The following SPIN3 variants were observed in gnomAD, a reference collection of about 807,000 sequenced individuals.
The protein encoded by SPIN3 is spindlin family member 3, also known as spindlin-3.
For synonymous variants in SPIN3, 74 were observed against 74.3 expected (o/e 1.00, Z 0.02); for missense variants, 176 against 196.4 (o/e 0.90, Z 0.62).
chrX:56,987,665 T>C (rs1020880758), downstream of SPIN3, among the ~76,000 whole-genome samples: 3 of 111,962 alleles, frequency 2.7e-5, no homozygotes, highest in Non-Finnish European at 5.6e-5. Context: ...GAATGAATGA[T>C]TGCATTCAGG....
chrX:56,983,363 G>T (rs771089755), intron 3 of SPIN3, among the ~76,000 whole-genome samples: 1 of 111,550 alleles, frequency 9.0e-6, no homozygotes, highest in Non-Finnish European at 1.9e-5. Flanking sequence ...AGGAATAAGA[G>T]GTGAGGATTA....
downstream of SPIN3, among the ~76,000 whole-genome samples, chrX:56,989,180 T>A (rs906902610): frequency 9.0e-6 from 1 of 111,620 alleles, no homozygotes; most frequent in Admixed American, 9.5e-5. Flanking sequence ...TAGTTTATAA[T>A]TTAAGTATAG....
rs1314964431 is a variant in SPIN3, at chrX:56,992,762, G to A, written c.*1409C>T. The A allele has an allele frequency of 3.6e-6, 1 of 277,547 alleles. No individual in the cohort carries two copies. Among genetic ancestry groups the A allele is most frequent in the Non-Finnish European group, 6.3e-6 (1 of 158,882 alleles). 22.9% of individuals were successfully genotyped at this position (277,547 alleles called of 1,213,427 possible). On this transcript the variant is annotated 3_prime_UTR_variant, in exon 2 of 2. Transcript: ENST00000374919. ...GGTGCTTCTCTCAAAAACCATGCTTGTACTTCAACTTTTCTTTCCTAGGCT... is the reference window on the plus strand; with the variant it reads ...GGTGCTTCTCTCAAAAACCATGCTTATACTTCAACTTTTCTTTCCTAGGCT...
In SPIN3 at chrX:56,994,509, A is replaced by G; in HGVS notation, c.439T>C (p.Trp147Arg). The G allele has an allele frequency of 8.3e-7, 1 of 1,211,727 alleles. No homozygotes were observed. Among genetic ancestry groups the G allele is most frequent in the Non-Finnish European group, 1.1e-6 (1 of 895,498 alleles). Residue 147 changes from tryptophan (W) to arginine (R), a missense_variant, in exon 2 of 2, where the codon TGG becomes CGG. Coordinates refer to ENST00000374919, the MANE Select transcript of SPIN3 (RefSeq NM_001010862.3). ...GCCTGAGCTAAGACCATCCCCCTCC[A>G]TTCATTTTTGGAACCTTCCTCTGTC... ...FETEEGSKNE[W>R]RGMVLAQAPV...
chrX:56,994,930 T>A lies in SPIN3; in HGVS notation c.18A>T (p.Gly6=). 1 of 1,194,810 alleles carries A rather than the reference T, an allele frequency of 8.4e-7. No individual in the cohort carries two copies. Among genetic ancestry groups the A allele is most frequent in the South Asian group, 1.8e-5 (1 of 54,358 alleles). Residue 6 remains glycine (G), a synonymous_variant, in exon 2 of 2, where the codon GGA becomes GGT. Coordinates refer to ENST00000374919, the MANE Select transcript of SPIN3 (RefSeq NM_001010862.3). ...TGGACCGCTGCCCTGCAGCTGCCTT[T>A]CCAAACGGGGTCTTCATGCCTGCGA... MKTPF[G]KAAAGQRSRT... is the part of the protein sequence containing the mutation.
At chrX:56,990,265 G>C (rs999756260), downstream of SPIN3, among the ~76,000 whole-genome samples, 7 of 111,740 alleles carry the variant, frequency 6.3e-5, no homozygotes, top group Non-Finnish European at 1.3e-4. Flanking sequence ...CTGACACACA[G>C]AGGGAAAATC....
downstream of SPIN3, among the ~76,000 whole-genome samples, chrX:56,986,938 C>A (rs920953383): frequency 8.9e-6 from 1 of 111,753 alleles, no homozygotes; most frequent in African/African-American, 3.3e-5. Flanking sequence ...TCAAGACCAG[C>A]CTGACCAACA....
intron 3 of SPIN3, among the ~76,000 whole-genome samples, chrX:56,983,922 A>G (rs1924170740): frequency 1.8e-5 from 2 of 112,243 alleles, no homozygotes; most frequent in Admixed American, 9.4e-5. Flanking sequence ...ATAGAGCCGT[A>G]GGTTAACTAG....
chrX:56,990,950 C>A lies in SPIN3; in HGVS notation c.*3221G>T, dbSNP rs1003236058. The A allele has an allele frequency of 3.6e-5, 4 of 109,612 alleles. No homozygotes were observed. The highest frequency in any genetic ancestry group is 7.6e-5 in the Non-Finnish European group (4 of 52,677). The allele number at this position is 109,612 out of a possible 1,213,427, so 9.0% of individuals were successfully genotyped here. On this transcript the variant is annotated 3_prime_UTR_variant, in exon 2 of 2. Transcript: ENST00000374919. ...AAAAAAAACCTGATACACACATACC[C>A]ACACACAATATGCTTGTAAATACAT...
intron 3 of SPIN3, among the ~76,000 whole-genome samples, chrX:56,980,637 G>A (rs548445423): frequency 2.0e-4 from 22 of 109,811 alleles, no homozygotes; most frequent in South Asian, 4.0e-4. Context: ...CAGTAGCAGC[G>A]TGGCTTGGGA....
intron 3 of SPIN3, chrX:56,982,450 G>A (rs1423961550): frequency 1.8e-5 from 2 of 111,585 alleles, no homozygotes; most frequent in Non-Finnish European, 3.8e-5. Context: ...AAGAATGGCC[G>A]TAAGATTGTT....
chrX:56,991,596 T>C lies in SPIN3; in HGVS notation c.*2575A>G, dbSNP rs1924339283. ...AAGAGGATAGATCCCATCATACCCT[T>C]GTACATTTTCATTCTCTTAAGCCAC... On this transcript the variant is annotated 3_prime_UTR_variant, in exon 2 of 2. Transcript: ENST00000374919. 8.9e-6 allele frequency: 1 copy of C among 112,303 alleles called. No homozygotes were observed. Among genetic ancestry groups the C allele is most frequent in the Non-Finnish European group, 1.9e-5 (1 of 53,301 alleles). 9.3% of individuals were successfully genotyped at this position (112,303 alleles called of 1,213,427 possible).
chrX:56,980,096 A>G (rs755635450), intron 3 of SPIN3: 7 of 111,871 alleles, frequency 6.3e-5, no homozygotes, highest in Non-Finnish European at 1.3e-4. Flanking sequence ...TGACAGACCA[A>G]TGTAACTATT....
At chrX:56,985,955 A>G (rs1054792802), downstream of SPIN3, among the ~76,000 whole-genome samples, 1 of 111,122 alleles carries the variant, frequency 9.0e-6, no homozygotes, top group Non-Finnish European at 1.9e-5. Context: ...TACCTTCTCC[A>G]TGAAGTCCAC....
rs1424988945 is a variant in SPIN3 at position 56,993,402 on chromosome X, T to A, written c.*769A>T. ...CTTCTATCAGTTAAAACCTACTCCA[T>A]GTCTGCAGATACCAGCCAGAGCTAT... On this transcript the variant is annotated 3_prime_UTR_variant, in exon 2 of 2. Transcript: ENST00000374919. The A allele has an allele frequency of 9.0e-6, 1 of 111,223 alleles. No individual in the cohort carries two copies. Among genetic ancestry groups the A allele is most frequent in the Non-Finnish European group, 1.9e-5 (1 of 53,101 alleles). 9.2% of individuals were successfully genotyped at this position (111,223 alleles called of 1,213,427 possible).
Position 56,981,190 on chromosome X carries a change from G to A in SPIN3, c.*205-2530C>T, listed in dbSNP as rs1035684880. 1.5e-3 allele frequency among the ~76,000 whole-genome samples: 163 copies of A among 108,807 alleles called. 1 individual carries two copies. Among genetic ancestry groups the A allele is most frequent in the Non-Finnish European group, 7.4e-4 (39 of 52,418 alleles). 94.5% of individuals were successfully genotyped at this position (108,807 alleles called of 115,157 possible). A position where few individuals can be genotyped will look rare whatever the true frequency, so the allele number is the denominator to read the frequency against. On this transcript the variant is annotated intron_variant and NMD_transcript_variant, in intron 3 of 5. Coordinates refer to the SPIN3 transcript ENST00000475785. ...AGCCTGGCCAACACGGTGAAACCCC[G>A]TCTCTACTAAAAATACAAAAATTAT...
downstream of SPIN3, among the ~76,000 whole-genome samples, chrX:56,990,303 G>GC (rs1457084899): frequency 2.7e-5 from 3 of 111,450 alleles, no homozygotes; most frequent in Non-Finnish European, 5.7e-5. Context: ...CTGAGCCTGA[G>GC]CCCCAATTCA....
downstream of SPIN3, among the ~76,000 whole-genome samples, chrX:56,988,794 T>C (rs1206866051): frequency 9.0e-6 from 1 of 111,394 alleles, no homozygotes; most frequent in African/African-American, 3.3e-5. Context: ...GTTCTCAAGG[T>C]GATTCTGGTG....
downstream of SPIN3, among the ~76,000 whole-genome samples, chrX:56,988,198 A>T (rs375343863): frequency 5.4e-5 from 6 of 111,665 alleles, no homozygotes; most frequent in East Asian, 1.4e-3. Context: ...AAGATCAAGC[A>T]TAACATCTCC....
Sources: allele counts gnomAD v4.1 joint callset (sites outside exome capture counted in the v4.1 genomes callset), GRCh38; gene constraint gnomAD v4.1.1; transcripts MANE v1.5; gene names NCBI Gene and HGNC (gene_info 2026-07-23, HGNC 2026-07-21).